Variants in LRRC9 observed in about 807,000 individuals in gnomAD.
The protein encoded by LRRC9 is leucine-rich repeat-containing protein 9.
Under a neutral mutation model 63.2 loss-of-function variants are expected in LRRC9, and 122 were observed. The observed-to-expected ratio is 1.93, with a 90% CI of 1.67 to 2.24. The LOEUF is 2.24. Among genes scored for constraint, LRRC9 ranks in the 30% most tolerant of loss-of-function variants. The pLI, the probability that LRRC9 is intolerant of heterozygous loss-of-function variation, is 0.00. For missense variants in LRRC9, 1,071 were observed against 627.7 expected (o/e 1.71, Z -7.55); for synonymous variants, 366 against 213.1 (o/e 1.72, Z -6.25).
chr14:59,930,879 A>G lies in LRRC9; in HGVS notation c.268-39A>G, dbSNP rs751184584. The stretch of plus-strand genomic sequence containing the variant: ...CTTCATTGGAAGGATTAATAGCAAA[A>G]CATAAACTAACATTATTCAGTCTCC... On this transcript the variant is annotated intron_variant, in intron 3 of 31. Coordinates refer to ENST00000445360, the Ensembl canonical transcript of LRRC9. The surrounding 1 kb of genome is among the most constrained non-coding windows in gnomAD (Gnocchi z 4.9). The G allele has an allele frequency of 2.2e-5, 8 of 363,700 alleles. No individual in the cohort carries two copies. In the Admixed American group the frequency reaches 3.4e-4, roughly 16 times the overall value. The allele number at this position is 363,700 out of a possible 1,614,324, so 22.5% of individuals were successfully genotyped here. A position where few individuals can be genotyped will look rare whatever the true frequency, so the allele number is the denominator to read the frequency against.
chr14:60,031,978 G>T lies in LRRC9; in HGVS notation c.3922-17G>T. ...GAGTCTAACCAAATAATAACTTACT[G>T]ATTAACTTTTGAATAGGATATCACA... On this transcript the variant is annotated splice_polypyrimidine_tract_variant and intron_variant, in intron 28 of 31. Coordinates refer to ENST00000445360, the Ensembl canonical transcript of LRRC9. The surrounding 1 kb of genome is among the most constrained non-coding windows in gnomAD (Gnocchi z 4.6). 1 of 695,810 alleles carries T rather than the reference G, an allele frequency of 1.4e-6. No individual in the cohort carries two copies. Among genetic ancestry groups the T allele is most frequent in the South Asian group, 1.5e-5 (1 of 65,906 alleles). The allele number at this position is 695,810 out of a possible 1,614,324, so 43.1% of individuals were successfully genotyped here. A position where few individuals can be genotyped will look rare whatever the true frequency, so the allele number is the denominator to read the frequency against.
chr14:59,948,344 T>C (rs1882696940), intron 8 of LRRC9, among the ~76,000 whole-genome samples: 2 of 144,830 alleles, frequency 1.4e-5, no homozygotes, highest in Admixed American at 7.0e-5. Flanking sequence ...CTTGTGATTT[T>C]TGTACATTAA....
At chr14:60,037,260 T>A (rs1380829112) in intron 29 of LRRC9, among the ~76,000 whole-genome samples, 2 of 152,234 alleles carry the variant, frequency 1.3e-5, no homozygotes, top group African/African-American at 4.8e-5. Flanking sequence ...GCTTGGTTTA[T>A]AATCCTTTGG....
intron 17 of LRRC9, among the ~76,000 whole-genome samples, chr14:59,987,784 A>G (rs1887642731): frequency 6.6e-6 from 1 of 152,180 alleles, no homozygotes; most frequent in East Asian, 1.9e-4. Context: ...AAATGGTGAT[A>G]TTCTTATTCT....
chr14:60,024,601 T>C (rs1384325005), intron 27 of LRRC9, among the ~76,000 whole-genome samples: 1 of 152,026 alleles, frequency 6.6e-6, no homozygotes, highest in East Asian at 1.9e-4. Flanking sequence ...TCAAAAGCAC[T>C]TGTGATTTGG....
chr14:59,955,538 C>T (rs565270969), intron 8 of LRRC9, among the ~76,000 whole-genome samples: 1 of 152,064 alleles, frequency 6.6e-6, no homozygotes, highest in South Asian at 2.1e-4. Flanking sequence ...CTCTTTTCTT[C>T]TTTATTAGTC....
At chr14:60,009,351 C>T (rs143648318) in intron 23 of LRRC9, among the ~76,000 whole-genome samples, 2 of 152,092 alleles carry the variant, frequency 1.3e-5, no homozygotes. Flanking sequence ...ACAAAGGAAG[C>T]GTAAAGTCAT....
At chr14:60,006,128 T>C (rs1889789151) in intron 21 of LRRC9, among the ~76,000 whole-genome samples, 1 of 152,126 alleles carries the variant, frequency 6.6e-6, no homozygotes. Flanking sequence ...AGAAATTCAA[T>C]ATTTTCATGT....
intron 8 of LRRC9, among the ~76,000 whole-genome samples, chr14:59,957,670 T>A (rs188828714): frequency 6.6e-6 from 1 of 152,314 alleles, no homozygotes; most frequent in East Asian, 1.9e-4. Flanking sequence ...TTTGTGCTGT[T>A]GCTGGAGAGG....
intron 8 of LRRC9, among the ~76,000 whole-genome samples, chr14:59,957,427 G>A (rs761521204): frequency 1.4e-4 from 22 of 151,922 alleles, no homozygotes; most frequent in Non-Finnish European, 2.6e-4. Flanking sequence ...TTCAGCTATG[G>A]ATACTTGTGT....
Position 60,058,003 on chromosome 14 carries a change from T to C in LRRC9, c.4257T>C (p.Thr1419=). The C allele has an allele frequency of 1.6e-6, 1 of 644,672 alleles. No individual in the cohort carries two copies. The highest frequency in any genetic ancestry group is 2.9e-6 in the Non-Finnish European group (1 of 344,990). 39.9% of individuals were successfully genotyped at this position (644,672 alleles called of 1,614,324 possible). The stretch of plus-strand genomic sequence containing the variant: ...GCCATTACTTGGGATCTGACGTCAC[T>C]TTAACTCCTGAAGTTGAAGGTATTT... The change falls in exon 31 of 32, where the codon ACT becomes ACC. Residue 1419 remains threonine (T), a synonymous_variant. Transcript: ENST00000445360. This position sits in a 1 kb window ranked among gnomAD's most constrained non-coding sequence, Gnocchi z 4.4.
chr14:60,018,946 TCCCAGAATGTCAGATTAAAAA>T (rs1049424732), intron 25 of LRRC9, among the ~76,000 whole-genome samples, 154 bp from the exon 26 acceptor site: 3 of 151,908 alleles, frequency 2.0e-5, no homozygotes, highest in Non-Finnish European at 2.9e-5. Context: ...TACTGTAATT[TCCCAGAATGTCAGATTAAAAA>T]CACATTGAAA....
chr14:60,019,332 G>T, intron 26 of LRRC9, 72 bp downstream of exon 26: 1 of 599,560 alleles, frequency 1.7e-6, no homozygotes, highest in Middle Eastern at 2.6e-4. Context: ...TCACATTAAT[G>T]ATAGCAGTAA....
At position 60,060,419 on chromosome 14, in the gene LRRC9, A is replaced by G. The variant is rs766489719; in HGVS notation, c.4276+2397A>G. Among the ~76,000 whole-genome samples, 19 of 152,162 alleles carry G rather than the reference A, an allele frequency of 1.2e-4. No individual in the cohort carries two copies. Among genetic ancestry groups the G allele is most frequent in the Non-Finnish European group, 2.5e-4 (17 of 68,024 alleles). ...CTTCAAGTATTATGATTTAAGAAAT[A>G]TATTTTGTAAGGCTCTAACTACCAT... On this transcript the variant is annotated intron_variant, in intron 31 of 31. Transcript: ENST00000445360. This position sits in a 1 kb window ranked among gnomAD's most constrained non-coding sequence, Gnocchi z 4.0.
intron 3 of LRRC9, among the ~76,000 whole-genome samples, chr14:59,929,363 C>G (rs1342773500): frequency 6.6e-6 from 1 of 151,798 alleles, no homozygotes. Context: ...AAATCAAAAT[C>G]ACACTGAGAT....
intron 20 of LRRC9, among the ~76,000 whole-genome samples, chr14:60,002,371 G>C (rs140917667): frequency 1.3e-5 from 2 of 152,012 alleles, no homozygotes; most frequent in Non-Finnish European, 2.9e-5. Flanking sequence ...GAAAGTATTC[G>C]TCTTGCATAA....
chr14:60,009,890 A>G (rs1890122503), intron 23 of LRRC9, among the ~76,000 whole-genome samples: 1 of 152,206 alleles, frequency 6.6e-6, no homozygotes, highest in Non-Finnish European at 1.5e-5. Context: ...AAGCTCTGAA[A>G]TGATCTCCTT....
intron 16 of LRRC9, among the ~76,000 whole-genome samples, chr14:59,984,522 T>C (rs1188488653): frequency 6.6e-6 from 1 of 152,200 alleles, no homozygotes; most frequent in Non-Finnish European, 1.5e-5. Flanking sequence ...TATAAATGTG[T>C]AATAATATTT....
intron 1 of LRRC9, among the ~76,000 whole-genome samples, chr14:59,924,953 A>C (rs1889086114): frequency 6.8e-6 from 1 of 146,318 alleles, no homozygotes; most frequent in African/African-American, 2.6e-5. Flanking sequence ...TTTTCTCCAG[A>C]TTCCCGCATG....
Sources: allele counts gnomAD v4.1 joint callset (sites outside exome capture counted in the v4.1 genomes callset), GRCh38; gene constraint gnomAD v4.1.1; non-coding constraint Gnocchi (gnomAD v3.1); transcripts MANE v1.5; gene names NCBI Gene and HGNC (gene_info 2026-07-23, HGNC 2026-07-21).